Variants in USPL1 observed in about 807,000 individuals in gnomAD.
The protein encoded by USPL1 is SUMO-specific isopeptidase USPL1.
In USPL1, 27 loss-of-function variants were observed where a neutral mutation model predicts 51.5. The observed-to-expected ratio is 0.52, with a 90% CI of 0.39 to 0.72. USPL1 has a LOEUF of 0.72. USPL1 is among the 30% of genes least tolerant of loss of function. USPL1 has a pLI of 0.00. For synonymous variants in USPL1, 451 were observed against 459.6 expected, an observed-to-expected ratio of 0.98 and a Z score of 0.24; for missense variants, 1,226 against 1,268.0, an observed-to-expected ratio of 0.97 and a Z score of 0.50.
chr13:30,619,633 G>A (rs1950622665), intron 1 of USPL1, among the ~76,000 whole-genome samples: 1 of 152,154 alleles, frequency 6.6e-6, no homozygotes, highest in Admixed American at 6.5e-5. Context: ...ACTTTAATTT[G>A]TCAGGTGCTA....
Position 30,658,692 on chromosome 13 carries a change from T to G in USPL1, c.2615T>G (p.Ile872Ser). Residue 872 changes from isoleucine (I) to serine (S), a missense_variant, in exon 9 of 9, where the codon ATT (isoleucine) becomes AGT (serine). By Grantham distance (142) the Ile-to-Ser change is moderately radical (BLOSUM62 -2). Coordinates refer to ENST00000255304, the MANE Select transcript of USPL1 (RefSeq NM_005800.5). The part of the protein sequence containing the change: ...QLNHSSYGNG[I>S]SSANHEDLVE... The stretch of plus-strand genomic sequence containing the variant: ...AACCACAGTTCTTATGGGAATGGTA[T>G]TTCTTCAGCAAACCATGAAGACTTG... 2 of 1,614,234 alleles carry G rather than the reference T, an allele frequency of 1.2e-6. No individual in the cohort carries two copies. The highest frequency in any genetic ancestry group is 1.7e-6 in the Non-Finnish European group (2 of 1,180,038).
At chr13:30,632,870 A>G (rs982205284) in intron 4 of USPL1, among the ~76,000 whole-genome samples, 3 of 152,318 alleles carry the variant, frequency 2.0e-5, no homozygotes, top group Admixed American at 6.5e-5. Context: ...TTGGCACAAT[A>G]AGGGATATGT....
chr13:30,639,432 A>G (rs1950918284), intron 5 of USPL1, among the ~76,000 whole-genome samples: 1 of 151,732 alleles, frequency 6.6e-6, no homozygotes, highest in Non-Finnish European at 1.5e-5. Flanking sequence ...TTTTTCATGG[A>G]CTTATACATA....
chr13:30,621,094 G>C lies in USPL1; in HGVS notation c.-47G>C, dbSNP rs1422849318. The C allele has an allele frequency of 6.7e-7, 1 of 1,486,522 alleles. No homozygotes were observed. Among genetic ancestry groups the C allele is most frequent in the Non-Finnish European group, 9.2e-7 (1 of 1,086,468 alleles). 92.1% of individuals were successfully genotyped at this position (1,486,522 alleles called of 1,614,324 possible). ...CCAGGGTTCATTGAAAAAATCCTTAGTGATATTGACATGTCTCAAGTGACA... is the reference window on the plus strand; with the variant it reads ...CCAGGGTTCATTGAAAAAATCCTTACTGATATTGACATGTCTCAAGTGACA... On this transcript the variant is annotated 5_prime_UTR_variant, in exon 2 of 9. Transcript: ENST00000255304.
At chr13:30,632,082 A>G (rs980525255) in intron 4 of USPL1, among the ~76,000 whole-genome samples, 2 of 151,956 alleles carry the variant, frequency 1.3e-5, no homozygotes, top group East Asian at 1.9e-4. Flanking sequence ...CGTCACCTAT[A>G]TTAGGTATTT....
At position 30,642,737 on chromosome 13, in the gene USPL1, T is replaced by C; in HGVS notation, c.1092T>C (p.Cys364=). The change falls in exon 6 of 9, where the codon TGT becomes TGC. Residue 364 remains cysteine, a synonymous_variant. Transcript: ENST00000255304. ...SFSWDFECSQ[C]GHQYQNRHMK... ...CTTGGGACTTTGAATGTTCGCAGTG[T>C]GGACACCAATATCAAAACAGGTTAG... The C allele has an allele frequency of 6.2e-7, 1 of 1,612,916 alleles. No individual in the cohort carries two copies. The highest frequency in any genetic ancestry group is 8.5e-7 in the Non-Finnish European group (1 of 1,179,658).
chr13:30,652,582 A>G (rs1455107010), intron 7 of USPL1, among the ~76,000 whole-genome samples: 1 of 152,210 alleles, frequency 6.6e-6, no homozygotes, highest in Non-Finnish European at 1.5e-5. Flanking sequence ...AAATTGACCA[A>G]TATGTTGTAT....
rs746978397 is a variant in USPL1 at position 30,642,657 on chromosome 13, C to T, written c.1012C>T (p.Pro338Ser). 16 of 1,613,742 alleles carry T rather than the reference C, an allele frequency of 9.9e-6. No homozygotes were observed. The South Asian group carries it at 1.6e-4, about 17-fold the overall frequency. ...GDMESPVFAFPLLLKLETHIE... is the reference protein window; with the variant it reads ...GDMESPVFAFSLLLKLETHIE... ...TATGGAAAGCCCTGTGTTTGCATTT[C>T]CCCTGCTCTTAAAACTAGAAACCCA... The change falls in exon 6 of 9, where the codon CCC (proline) becomes TCC (serine). Residue 338 changes from proline to serine, a missense_variant. Transcript: ENST00000255304.
In USPL1 at chr13:30,658,517, A is replaced by G. The variant is rs1446821760; in HGVS notation, c.2440A>G (p.Lys814Glu). ...INQKASHVSK[K>E]ARKSASKPPP... Reference sequence around the variant, plus strand: ...CCAGAAGGCCAGCCACGTATCCAAGAAAGCTCGTAAGAGTGCAAGTAAGCC... The same window carrying G: ...CCAGAAGGCCAGCCACGTATCCAAGGAAGCTCGTAAGAGTGCAAGTAAGCC... The change falls in exon 9 of 9, where the codon AAA becomes GAA. Residue 814 changes from lysine (K) to glutamate (E), a missense_variant. Physicochemically the swap from Lys to Glu is moderately conservative, Grantham distance 56 (BLOSUM62 1). Transcript: ENST00000255304. 1 of 1,613,968 alleles carries G rather than the reference A, an allele frequency of 6.2e-7. No individual in the cohort carries two copies. Among genetic ancestry groups the G allele is most frequent in the Non-Finnish European group, 8.5e-7 (1 of 1,180,042 alleles).
chr13:30,632,586 GTATTTT>G (rs1037523996), intron 4 of USPL1, among the ~76,000 whole-genome samples: 6 of 151,684 alleles, frequency 4.0e-5, no homozygotes, highest in African/African-American at 1.5e-4. Context: ...GCTAATTTTT[GTATTTT>G]TAGTAGAGAC....
intron 4 of USPL1, among the ~76,000 whole-genome samples, chr13:30,631,778 A>G (rs1415860411): frequency 1.3e-5 from 2 of 152,190 alleles, no homozygotes; most frequent in African/African-American, 2.4e-5. Flanking sequence ...GGCATGAGTC[A>G]CCATTCCAGC....
intron 8 of USPL1, among the ~76,000 whole-genome samples, chr13:30,654,316 G>T (rs997014488): frequency 1.3e-5 from 2 of 151,632 alleles, no homozygotes; most frequent in African/African-American, 4.8e-5. Flanking sequence ...CCGCCTACCC[G>T]CCCTTCCTTC....
chr13:30,635,440 C>CAT (rs1306790520), intron 4 of USPL1, among the ~76,000 whole-genome samples: 1 of 152,154 alleles, frequency 6.6e-6, no homozygotes, highest in Admixed American at 6.5e-5. Context: ...CATGTATCAA[C>CAT]ATATCATGTA....
intron 7 of USPL1, among the ~76,000 whole-genome samples, chr13:30,650,748 G>A (rs558218990): frequency 4.6e-5 from 7 of 152,056 alleles, no homozygotes; most frequent in African/African-American, 7.2e-5. Flanking sequence ...TAATCACTTT[G>A]GGAGGCCAAG....
chr13:30,628,964 C>T (rs757252672), intron 3 of USPL1, among the ~76,000 whole-genome samples: 7 of 152,134 alleles, frequency 4.6e-5, no homozygotes, highest in Non-Finnish European at 8.8e-5. Context: ...AGTTTTCTGA[C>T]ATATGATAGG....
In USPL1 at chr13:30,657,985, A is replaced by G. The variant is rs757581802; in HGVS notation, c.1908A>G (p.Val636=). Residue 636 remains valine (V), a synonymous_variant, in exon 9 of 9, where the codon GTA becomes GTG. Transcript: ENST00000255304. ...LSQESLMASS[V]SAPCNEKLIQ... ...AAGAATCACTAATGGCTTCTTCAGTATCAGCTCCATGTAATGAAAAGCTTA... is the reference window on the plus strand; with the variant it reads ...AAGAATCACTAATGGCTTCTTCAGTGTCAGCTCCATGTAATGAAAAGCTTA... The G allele has an allele frequency of 3.4e-5, 55 of 1,613,492 alleles. No individual in the cohort carries two copies. The highest frequency in any genetic ancestry group is 1.2e-5 in the Non-Finnish European group (14 of 1,180,048).
chr13:30,625,482 T>C (rs79608610), intron 3 of USPL1, among the ~76,000 whole-genome samples: 2,521 of 148,262 alleles, frequency 0.017, 74 homozygotes, highest in African/African-American at 0.06. Flanking sequence ...AGTCTCGCTC[T>C]GTCACGAGGC....
intron 3 of USPL1, among the ~76,000 whole-genome samples, chr13:30,630,516 C>T (rs539141204): frequency 1.4e-4 from 21 of 152,116 alleles, no homozygotes; most frequent in Non-Finnish European, 4.4e-5. Flanking sequence ...TGTTTCTTTA[C>T]GTTGTTGAAA....
intron 3 of USPL1, among the ~76,000 whole-genome samples, chr13:30,625,134 G>C (rs1407811143): frequency 6.6e-6 from 1 of 152,216 alleles, no homozygotes; most frequent in Admixed American, 6.5e-5. Context: ...TTCTGGGGGA[G>C]AGGGTGGTGG....
Sources: gnomAD v4.1 joint callset for allele counts (sites outside exome capture counted in the v4.1 genomes callset) on GRCh38, gnomAD v4.1.1 for gene constraint, MANE v1.5 for transcripts, NCBI Gene and HGNC (gene_info 2026-07-23, HGNC 2026-07-21) for gene names.